ANKRD30BL: variants seen among roughly 807,000 people sequenced by gnomAD.
ANKRD30BL encodes the protein putative ankyrin repeat domain-containing protein 30B-like.
Under a neutral mutation model 18.4 loss-of-function variants are expected in ANKRD30BL, and 20 were observed. The ratio of observed to expected loss-of-function variants is 1.09; its 90% CI spans 0.77 to 1.58. The LOEUF (loss-of-function observed/expected upper bound fraction) is 1.58. Among genes scored for constraint, ANKRD30BL ranks in the 40% most tolerant of loss-of-function variants. The pLI, the probability that ANKRD30BL is intolerant of heterozygous loss-of-function variation, is 0.00. For synonymous variants in ANKRD30BL, 72 were observed against 100.9 expected (o/e 0.71, Z 1.72); for missense variants, 224 against 268.6 (o/e 0.83, Z 1.16).
intron 3 of ANKRD30BL, chr2:132,155,243 G>GGT (rs1687870034): frequency 6.6e-6 from 1 of 152,210 alleles, no homozygotes; most frequent in Non-Finnish European, 1.5e-5. Flanking sequence ...TTATAAAACT[G>GGT]TGAATTAAAT....
intron 1 of ANKRD30BL, among the ~76,000 whole-genome samples, chr2:132,179,444 G>C (rs1353772660): frequency 6.6e-6 from 1 of 151,672 alleles, no homozygotes; most frequent in Admixed American, 6.6e-5. Context: ...GCCCACAACT[G>C]CACCTGCCTA....
rs990172002 is a variant in ANKRD30BL at position 132,205,027 on chromosome 2, T to C, written n.442-47881A>G. On this transcript the variant is annotated intron_variant and non_coding_transcript_variant, in intron 1 of 4. Transcript: ENST00000470729. ...CACAGGAAAAGTGTGCAGAGCATTG[T>C]TATCCAAAGTGCTGTGGGAATTTTA... Among the ~76,000 whole-genome samples the C allele has an allele frequency of 3.9e-5, 6 of 152,318 alleles. 1 individual carries two copies. Among genetic ancestry groups the C allele is most frequent in the African/African-American group, 1.4e-4 (6 of 41,578 alleles).
chr2:132,172,259 C>T (rs762401593), intron 1 of ANKRD30BL, among the ~76,000 whole-genome samples: 1 of 152,162 alleles, frequency 6.6e-6, no homozygotes. Flanking sequence ...TGCTGGATCA[C>T]ATAGTAGTTC....
chr2:132,220,520 C>A (rs573810215), intron 1 of ANKRD30BL, among the ~76,000 whole-genome samples: 2 of 152,200 alleles, frequency 1.3e-5, no homozygotes, highest in South Asian at 4.1e-4. Flanking sequence ...CGCGTCGCCA[C>A]GCCTGACTGG....
At position 132,250,887 on chromosome 2, in the gene ANKRD30BL, G is replaced by A. The variant is rs1353986697; in HGVS notation, n.441+6642C>T. Among the ~76,000 whole-genome samples the A allele has an allele frequency of 3.9e-5, 6 of 152,032 alleles. No individual in the cohort carries two copies. In the East Asian group the frequency reaches 1.2e-3, roughly 29 times the overall value. ...AAAATTACTAGTTGTTATTATAAAT[G>A]ATTATTCAATCACTTTTCATTTTTG... On this transcript the variant is annotated intron_variant and non_coding_transcript_variant, in intron 1 of 4. Transcript: ENST00000470729.
intron 1 of ANKRD30BL, among the ~76,000 whole-genome samples, chr2:132,228,785 G>A (rs528278543): frequency 6.8e-6 from 1 of 146,494 alleles, no homozygotes; most frequent in Non-Finnish European, 1.5e-5. Flanking sequence ...ATAAAATCTA[G>A]ATAAAAGCAA....
intron 1 of ANKRD30BL, among the ~76,000 whole-genome samples, chr2:132,168,734 C>T (rs1324316658): frequency 2.0e-5 from 3 of 151,992 alleles, no homozygotes; most frequent in African/African-American, 7.3e-5. Flanking sequence ...TACAAGCACA[C>T]ATAGACACAC....
intron 1 of ANKRD30BL, among the ~76,000 whole-genome samples, chr2:132,160,507 C>T (rs1175065825): frequency 1.3e-5 from 2 of 149,720 alleles, no homozygotes; most frequent in Non-Finnish European, 2.9e-5. Flanking sequence ...GGTGCGATCT[C>T]GGCTCACTCC....
At chr2:132,256,232 C>A (rs1680830306) in intron 1 of ANKRD30BL, among the ~76,000 whole-genome samples, 1 of 151,750 alleles carries the variant, frequency 6.6e-6, no homozygotes, top group African/African-American at 2.4e-5. Flanking sequence ...GAGGATGAGC[C>A]CGGCGTCCCA....
chr2:132,242,049 C>T (rs1300482522), intron 1 of ANKRD30BL, among the ~76,000 whole-genome samples: 2 of 151,600 alleles, frequency 1.3e-5, no homozygotes, highest in Non-Finnish European at 3.0e-5. Flanking sequence ...TAGACAGAAG[C>T]ATTCTCAGAA....
At chr2:132,210,889 A>T (rs1048430040) in intron 1 of ANKRD30BL, among the ~76,000 whole-genome samples, 1 of 152,000 alleles carries the variant, frequency 6.6e-6, no homozygotes, top group Non-Finnish European at 1.5e-5. Context: ...ATCTTCACCT[A>T]AAAACTACAC....
At chr2:132,218,308 G>A (rs1224641292) in intron 1 of ANKRD30BL, among the ~76,000 whole-genome samples, 1 of 152,248 alleles carries the variant, frequency 6.6e-6, no homozygotes, top group Non-Finnish European at 1.5e-5. Flanking sequence ...ACACTAGACA[G>A]AAGCATTCCC....
At chr2:132,217,072 A>G (rs1014608690) in intron 1 of ANKRD30BL, among the ~76,000 whole-genome samples, 1 of 151,516 alleles carries the variant, frequency 6.6e-6, no homozygotes, top group Non-Finnish European at 1.5e-5. Context: ...TTTGAGACCT[A>G]TGGTGGAAAA....
At chr2:132,240,130 A>C (rs79408514) in intron 1 of ANKRD30BL, among the ~76,000 whole-genome samples, 3 of 151,592 alleles carry the variant, frequency 2.0e-5, no homozygotes, top group East Asian at 3.9e-4. Context: ...TATGAGACCT[A>C]TGGTGAAAAA....
At chr2:132,217,859 G>C (rs1487670866) in intron 1 of ANKRD30BL, among the ~76,000 whole-genome samples, 6 of 151,914 alleles carry the variant, frequency 3.9e-5, no homozygotes, top group Non-Finnish European at 1.5e-5. Context: ...CCTTTCTTTT[G>C]ATAAAGCAGT....
Position 132,227,016 on chromosome 2 carries a change from A to G in ANKRD30BL, n.441+30513T>C, listed in dbSNP as rs541782796. Among the ~76,000 whole-genome samples, 429 of 151,980 alleles carry G rather than the reference A, an allele frequency of 2.8e-3. 1 individual carries two copies. Among genetic ancestry groups the G allele is most frequent in the Middle Eastern group, 0.01 (3 of 294 alleles). On this transcript the variant is annotated intron_variant and non_coding_transcript_variant, in intron 1 of 4. Coordinates refer to the ANKRD30BL transcript ENST00000470729. Reference sequence around the variant, plus strand: ...GGACATTTGGAGTGCTTTGAGGCCTATGGTGGGAAAGGAAATATCTTCATA... The same window carrying G: ...GGACATTTGGAGTGCTTTGAGGCCTGTGGTGGGAAAGGAAATATCTTCATA...
intron 1 of ANKRD30BL, among the ~76,000 whole-genome samples, chr2:132,233,303 T>C (rs1338154783): frequency 6.7e-6 from 1 of 149,152 alleles, no homozygotes; most frequent in Non-Finnish European, 1.5e-5. Flanking sequence ...CCAGCTAACA[T>C]CATAATGACA....
intron 1 of ANKRD30BL, among the ~76,000 whole-genome samples, chr2:132,244,981 G>A (rs1573888414): frequency 1.3e-5 from 2 of 152,300 alleles, no homozygotes; most frequent in African/African-American, 4.8e-5. Flanking sequence ...TGTGATGTGT[G>A]AACTCAACTC....
chr2:132,234,370 A>G (rs1680096823), intron 1 of ANKRD30BL, among the ~76,000 whole-genome samples: 1 of 152,070 alleles, frequency 6.6e-6, no homozygotes, highest in South Asian at 2.1e-4. Context: ...GACACAAAAA[A>G]CCCTTCAAAA....
Sources: allele counts gnomAD v4.1 joint callset (sites outside exome capture counted in the v4.1 genomes callset), GRCh38; gene constraint gnomAD v4.1.1; transcripts MANE v1.5; gene names NCBI Gene and HGNC (gene_info 2026-07-23, HGNC 2026-07-21).